Variants in HLA-DPA1 observed in about 807,000 individuals in gnomAD.
The protein encoded by HLA-DPA1 is HLA class II histocompatibility antigen, DP alpha 1 chain.
Under a neutral mutation model 21.5 loss-of-function variants are expected in HLA-DPA1, and 20 were observed. That is an observed-to-expected ratio of 0.93 (90% confidence interval 0.66 to 1.35). The LOEUF (loss-of-function observed/expected upper bound fraction) is 1.35. Ranked by LOEUF, HLA-DPA1 falls within the 40% of genes most tolerant of loss-of-function variation. The probability of loss-of-function intolerance (pLI) is 0.00; values close to 1 mark genes in which losing one functional copy is unlikely to be tolerated. For missense variants in HLA-DPA1, 279 were observed against 323.0 expected (o/e 0.86, Z 1.05); for synonymous variants, 123 against 129.6 (o/e 0.95, Z 0.35).
chr6:33,067,858 G>C (rs1762037789), intron 5 of HLA-DPA1: 1 of 143,954 alleles, frequency 6.9e-6, no homozygotes, highest in African/African-American at 2.7e-5. Flanking sequence ...TAAATCAAGG[G>C]AGAGAGAGAG....
Position 33,080,425 on chromosome 6 carries a change from A to C in HLA-DPA1, c.-100+255T>G. On this transcript the variant is annotated intron_variant, in intron 1 of 5. Coordinates refer to ENST00000419277, the Ensembl canonical transcript of HLA-DPA1. The surrounding 1 kb of genome is among the most constrained non-coding windows in gnomAD (Gnocchi z 4.3). ...TTCCCCTCAGTGCTCGCCCCTCCCT[A>C]GTGATCACTCAGTGCCCCTGAGCTC... 5.9e-6 allele frequency: 4 copies of C among 682,314 alleles called. No individual in the cohort carries two copies. The highest frequency in any genetic ancestry group is 3.0e-5 in the East Asian group (1 of 33,092). 42.3% of individuals were successfully genotyped at this position (682,314 alleles called of 1,614,324 possible).
chr6:33,079,660 G>T, intron 1 of HLA-DPA1: 1 of 472,620 alleles, frequency 2.1e-6, no homozygotes, highest in South Asian at 1.6e-5. Context: ...AAAAAAACAT[G>T]CTGCCCAGTG....
Position 33,080,671 on chromosome 6 carries a change from G to A in HLA-DPA1, c.-100+9C>T. 1 of 1,612,536 alleles carries A rather than the reference G, an allele frequency of 6.2e-7. No individual in the cohort carries two copies. The highest frequency in any genetic ancestry group is 8.5e-7 in the Non-Finnish European group (1 of 1,179,328). ...CGCTCATGTCCGCCCCCTCCCCGCA[G>A]AGAATTACCTTTTCCAGGGACGGCA... On this transcript the variant is annotated intron_variant, in intron 1 of 5. Coordinates refer to ENST00000419277, the Ensembl canonical transcript of HLA-DPA1. The surrounding 1 kb of genome is among the most constrained non-coding windows in gnomAD (Gnocchi z 4.3).
chr6:33,075,982 T>G (rs1762513641), intron 1 of HLA-DPA1: 7 of 1,283,258 alleles, frequency 5.5e-6, no homozygotes, highest in Non-Finnish European at 7.8e-6. Context: ...GAGCTCCCTT[T>G]AGCGAGTCCT....
intron 5 of HLA-DPA1, chr6:33,066,404 AAAAT>A (rs1761955796): frequency 6.6e-6 from 1 of 152,242 alleles, no homozygotes; most frequent in Non-Finnish European, 1.5e-5. Flanking sequence ...TATATAAAGA[AAAAT>A]AAAACATGAT....
intron 2 of HLA-DPA1, 97 bp from the exon 2 acceptor site, chr6:33,069,983 A>G: frequency 8.5e-7 from 1 of 1,181,292 alleles, no homozygotes; most frequent in Non-Finnish European, 1.2e-6. Flanking sequence ...GAATATAAAA[A>G]GGAAGAAGGT....
intron 1 of HLA-DPA1, among the ~76,000 whole-genome samples, chr6:33,077,639 A>T (rs1472279496): frequency 1.3e-5 from 2 of 152,312 alleles, no homozygotes; most frequent in Admixed American, 1.3e-4. Flanking sequence ...TTGTACTCTC[A>T]GGACATTTCT....
intron 2 of HLA-DPA1, among the ~76,000 whole-genome samples, chr6:33,072,305 G>A (rs778337385): frequency 2.0e-5 from 3 of 152,222 alleles, no homozygotes; most frequent in Non-Finnish European, 4.4e-5. Context: ...AGGACACAAA[G>A]AAAGTGTCTC....
intron 1 of HLA-DPA1, chr6:33,079,816 G>A: frequency 2.2e-6 from 1 of 454,596 alleles, no homozygotes; most frequent in East Asian, 6.1e-5. Context: ...GGCCATCAGA[G>A]TCACCAACCC....
chr6:33,076,088 C>T lies in HLA-DPA1; in HGVS notation c.-99-2419G>A, dbSNP rs41558014. On this transcript the variant is annotated intron_variant, in intron 1 of 5. Transcript: ENST00000419277. The stretch of plus-strand genomic sequence containing the variant: ...GCGGCCCCCCGGACAGTGGCTCTGA[C>T]GGCGTTACTGATGGTGCTGCTCACA... 2,083 of 1,612,310 alleles carry T rather than the reference C, an allele frequency of 1.3e-3. 37 individuals are homozygous for T. The East Asian group carries it at 0.014, about 11-fold the overall frequency.
chr6:33,079,855 G>C, intron 1 of HLA-DPA1: 1 of 342,084 alleles, frequency 2.9e-6, no homozygotes, highest in Non-Finnish European at 5.7e-6. Context: ...CTAAGAAAAT[G>C]AGTAGAAAGT....
chr6:33,072,122 G>T (rs66640614), intron 2 of HLA-DPA1, among the ~76,000 whole-genome samples: 29,373 of 152,008 alleles, frequency 0.19, 3,466 homozygotes, highest in African/African-American at 0.32. Context: ...AATAAGGACA[G>T]GGTAGTTCAT....
At chr6:33,078,370 C>G (rs921590704) in intron 1 of HLA-DPA1, among the ~76,000 whole-genome samples, 4 of 152,132 alleles carry the variant, frequency 2.6e-5, no homozygotes, top group African/African-American at 9.7e-5. Flanking sequence ...TTCCACAATT[C>G]CCTGCATGCT....
chr6:33,071,422 C>T lies in HLA-DPA1; in HGVS notation c.101-1536G>A, dbSNP rs181248838. 3.5e-3 allele frequency among the ~76,000 whole-genome samples: 529 copies of T among 152,286 alleles called. 3 individuals are homozygous for T. Among genetic ancestry groups the T allele is most frequent in the East Asian group, 0.025 (130 of 5,184 alleles). On this transcript the variant is annotated intron_variant, in intron 2 of 5. Transcript: ENST00000419277. Reference sequence around the variant, plus strand: ...TTATTGGAAACTCATCTTCTTAATACATGAATGTCCCTTGTACTTTTTAAA... The same window carrying T: ...TTATTGGAAACTCATCTTCTTAATATATGAATGTCCCTTGTACTTTTTAAA...
At chr6:33,073,441 C>G (rs750949934) in intron 2 of HLA-DPA1, 30 bp downstream of exon 1, 1 of 1,451,484 alleles carries the variant, frequency 6.9e-7, no homozygotes, top group Non-Finnish European at 9.7e-7. Context: ...TCACTCACCC[C>G]GACGCTCCTG....
At chr6:33,069,779 T>G in exon 3 of HLA-DPA1, 1 of 1,612,300 alleles carries the variant, frequency 6.2e-7, no homozygotes. Context: ...ACGGTCTCCT[T>G]CTTGTCCAGA....
intron 1 of HLA-DPA1, chr6:33,075,960 T>TTTA: frequency 9.6e-7 from 1 of 1,037,266 alleles, no homozygotes. Context: ...TGGTCTCTAA[T>TTTA]ATTTCAAACA....
intron 1 of HLA-DPA1, among the ~76,000 whole-genome samples, chr6:33,076,935 T>C (rs1383939965): frequency 6.6e-6 from 1 of 152,120 alleles, no homozygotes; most frequent in Non-Finnish European, 1.5e-5. Flanking sequence ...TATATATATA[T>C]ATACTTTAAG....
intron 1 of HLA-DPA1, chr6:33,079,835 G>C (rs3097671): frequency 0.15 from 60,583 of 412,228 alleles, 4,814 homozygotes; most frequent in Non-Finnish European, 0.16. Context: ...CCCAGTACCA[G>C]GGTGCACAGC....
Sources: gnomAD v4.1 joint callset for allele counts (sites outside exome capture counted in the v4.1 genomes callset) on GRCh38, gnomAD v4.1.1 for gene constraint, Gnocchi (gnomAD v3.1) non-coding constraint, MANE v1.5 for transcripts, NCBI Gene and HGNC (gene_info 2026-07-23, HGNC 2026-07-21) for gene names.